ADGRV1: variants seen among roughly 807,000 people sequenced by gnomAD.
The protein encoded by ADGRV1 is adhesion G protein-coupled receptor V1, also known as G-protein coupled receptor 98.
ADGRV1 carries 359 observed loss-of-function variants against 596.2 expected under a neutral mutation model. The observed-to-expected ratio is 0.60, with a 90% confidence interval of 0.55 to 0.66. ADGRV1 has a LOEUF of 0.66. ADGRV1 is among the 30% of genes least tolerant of loss of function. The pLI, the probability that ADGRV1 is intolerant of heterozygous loss-of-function variation, is 0.00. For missense variants in ADGRV1, 7,274 were observed against 7,575.6 expected (o/e 0.96, Z 1.48); for synonymous variants, 2,681 against 2,679.2 (o/e 1.00, Z -0.02).
At chr5:90,677,698 C>G (rs1015963761) in intron 25 of ADGRV1, among the ~76,000 whole-genome samples, 3 of 152,238 alleles carry the variant, frequency 2.0e-5, no homozygotes, top group Middle Eastern at 3.4e-3. Context: ...CCCCATATCT[C>G]TAGAATATGC....
At chr5:90,721,526 A>AATT (rs879889624) in intron 45 of ADGRV1, among the ~76,000 whole-genome samples, 28,051 of 66,158 alleles carry the variant, frequency 0.42, 4,518 homozygotes, top group Admixed American at 0.59. Context: ...AAATAAAATA[A>AATT]AAATAAAAAT....
chr5:90,989,619 A>G (rs188469871), intron 85 of ADGRV1, among the ~76,000 whole-genome samples: 6 of 152,232 alleles, frequency 3.9e-5, no homozygotes, highest in African/African-American at 1.4e-4. Context: ...TTAAGTTCTG[A>G]AATATGGAAA....
In ADGRV1 at chr5:90,684,212, G is replaced by GTGT. The variant is rs2149586604; in HGVS notation, c.6274+19_6274+21dup. The GTGT allele has an allele frequency of 1.3e-6, 2 of 1,564,370 alleles. No homozygotes were observed. The highest frequency in any genetic ancestry group is 3.9e-5 in the Admixed American group (2 of 51,626). On this transcript the variant is annotated intron_variant, in intron 28 of 89. Transcript: ENST00000405460. The stretch of plus-strand genomic sequence containing the variant: ...GTCGTTCAAGTAAGTATCCCTTAGT[G>GTGT]TGTTATTATTATTATTAGCTCTCAG...
chr5:90,960,050 A>G (rs1160254193), intron 83 of ADGRV1, among the ~76,000 whole-genome samples: 1 of 151,570 alleles, frequency 6.6e-6, no homozygotes, highest in Non-Finnish European at 1.5e-5. Flanking sequence ...GAGGCAGGAG[A>G]ATGGCGTGAA....
intron 11 of ADGRV1, among the ~76,000 whole-genome samples, chr5:90,641,084 A>C (rs953358123): frequency 7.9e-5 from 12 of 152,170 alleles, no homozygotes; most frequent in Non-Finnish European, 4.4e-5. Context: ...AGAGTTTTGC[A>C]CTGTGAATGC....
At position 90,721,461 on chromosome 5, in the gene ADGRV1, G is replaced by A. The variant is rs866606974; in HGVS notation, c.9748+402G>A. On this transcript the variant is annotated intron_variant, in intron 45 of 89. Coordinates refer to ENST00000405460, the MANE Select transcript of ADGRV1 (RefSeq NM_032119.4). ...GGAGCTTGCAGTGAGCCGAGATCGT[G>A]CCACTGCACTCCAGCCTGGTCAACA... Among the ~76,000 whole-genome samples, 4 of 149,928 alleles carry A rather than the reference G, an allele frequency of 2.7e-5. No individual in the cohort carries two copies. The South Asian group carries it at 8.4e-4, about 31-fold the overall frequency.
chr5:90,759,181 AATGCCATAAATATAC>A (rs1667165568), intron 57 of ADGRV1, among the ~76,000 whole-genome samples: 1 of 152,352 alleles, frequency 6.6e-6, no homozygotes, highest in South Asian at 2.1e-4. Flanking sequence ...ACAACTTTAA[AATGCCATAAATATAC>A]ATGCCATAAA....
Position 90,642,896 on chromosome 5 carries a change from G to A in ADGRV1, c.2408G>A (p.Gly803Glu). 6.2e-7 allele frequency: 1 copy of A among 1,611,294 alleles called. No homozygotes were observed. Among genetic ancestry groups the A allele is most frequent in the East Asian group, 2.2e-5 (1 of 44,844 alleles). The change falls in exon 13 of 90, where the codon GGG becomes GAG. Residue 803 changes from glycine to glutamate, a missense_variant. Gly to Glu is a moderately conservative substitution (Grantham distance 98). Around this residue, in one of 5 missense-constraint regions of ADGRV1, gnomAD observed 1,715 missense variants for 1,708.8 expected, o/e 1.00. Coordinates refer to ENST00000405460, the MANE Select transcript of ADGRV1 (RefSeq NM_032119.4). Reference protein sequence around the residue: ...SVELHIIRSRGSLVKQFLHYR... With the variant: ...SVELHIIRSRESLVKQFLHYR... ...GAGCTCCACATCATCCGATCAAGGG[G>A]GTCCCTTGTTAAGCAGTTTCTACAC...
chr5:91,098,763 A>G (rs1464301794), intron 86 of ADGRV1, among the ~76,000 whole-genome samples: 2 of 150,850 alleles, frequency 1.3e-5, no homozygotes, highest in African/African-American at 5.0e-5. Flanking sequence ...CTGTCAGCAC[A>G]TACCACTCGC....
intron 50 of ADGRV1, among the ~76,000 whole-genome samples, chr5:90,736,999 T>C (rs1271898133): frequency 3.3e-5 from 5 of 151,836 alleles, no homozygotes; most frequent in Non-Finnish European, 2.9e-5. Context: ...CTGTTAACTT[T>C]GGGCTTAGTT....
At chr5:90,575,558 C>T (rs189691) in intron 1 of ADGRV1, among the ~76,000 whole-genome samples, 27,625 of 152,074 alleles carry the variant, frequency 0.18, 2,692 homozygotes, top group East Asian at 0.41. Flanking sequence ...GGCAGCTGGC[C>T]GCTTACCTTG....
intron 86 of ADGRV1, among the ~76,000 whole-genome samples, chr5:91,086,904 T>A (rs1789924795): frequency 6.6e-6 from 1 of 152,242 alleles, no homozygotes; most frequent in East Asian, 1.9e-4. Context: ...AAAGTAATTA[T>A]GTATTGTTTA....
intron 75 of ADGRV1, among the ~76,000 whole-genome samples, chr5:90,821,637 C>G (rs905411297): frequency 9.3e-5 from 14 of 151,334 alleles, no homozygotes; most frequent in South Asian, 2.1e-4. Flanking sequence ...TTCTAACAGA[C>G]AGGACCCTCA....
At chr5:90,991,740 T>G (rs778273782) in intron 85 of ADGRV1, among the ~76,000 whole-genome samples, 7 of 152,216 alleles carry the variant, frequency 4.6e-5, no homozygotes, top group Non-Finnish European at 8.8e-5. Flanking sequence ...CAAGCTATAT[T>G]AGAAGAAATG....
intron 20 of ADGRV1, chr5:90,655,797 G>C (rs1769323837): frequency 6.6e-6 from 1 of 152,008 alleles, no homozygotes; most frequent in Non-Finnish European, 1.5e-5. Flanking sequence ...TAGAAAAATT[G>C]TAAAGTACAC....
At chr5:90,977,910 G>T (rs536739224) in intron 84 of ADGRV1, among the ~76,000 whole-genome samples, 1 of 152,020 alleles carries the variant, frequency 6.6e-6, no homozygotes, top group African/African-American at 2.4e-5. Context: ...CGTTTCCTCC[G>T]GTGTAAACAG....
At chr5:90,930,517 C>A (rs867689643) in intron 83 of ADGRV1, among the ~76,000 whole-genome samples, 4 of 152,062 alleles carry the variant, frequency 2.6e-5, no homozygotes, top group African/African-American at 4.8e-5. Flanking sequence ...TGTATGAATT[C>A]TTGTCAATGA....
rs531889602 is a variant in ADGRV1 at position 90,605,699 on chromosome 5, T to G, written c.23-9136T>G. Among the ~76,000 whole-genome samples, 3 of 152,320 alleles carry G rather than the reference T, an allele frequency of 2.0e-5. No individual in the cohort carries two copies. The East Asian group carries it at 5.8e-4, about 29-fold the overall frequency. ...AATATAAAATGAACATGTCAAGATT[T>G]TATTCAACCCATTAGTTAGTGAGGA... On this transcript the variant is annotated intron_variant, in intron 1 of 89. Transcript: ENST00000405460.
At chr5:91,014,695 T>C (rs1235109881) in intron 85 of ADGRV1, among the ~76,000 whole-genome samples, 1 of 151,992 alleles carries the variant, frequency 6.6e-6, no homozygotes, top group Non-Finnish European at 1.5e-5. Context: ...GTGTTTGTAG[T>C]AGTTTCTGAT....
Sources: gnomAD v4.1 joint callset for allele counts (sites outside exome capture counted in the v4.1 genomes callset) on GRCh38, gnomAD v4.1.1 for gene constraint, gnomAD v4.1.1 regional missense constraint, MANE v1.5 for transcripts, NCBI Gene and HGNC (gene_info 2026-07-23, HGNC 2026-07-21) for gene names.